Variants in MACF1 observed in about 807,000 individuals in gnomAD.
MACF1 encodes microtubule-actin cross-linking factor 1.
Under a neutral mutation model 854.8 loss-of-function variants are expected in MACF1, and 193 were observed. The ratio of observed to expected loss-of-function variants is 0.23; its 90% confidence interval spans 0.20 to 0.25. The LOEUF is 0.25. Ranked by LOEUF, MACF1 falls within the 10% of genes least tolerant of loss-of-function variation. The probability of loss-of-function intolerance (pLI) is 1.00; values close to 1 mark genes in which losing one functional copy is unlikely to be tolerated. For synonymous variants in MACF1, 3,185 were observed against 3,226.7 expected, an observed-to-expected ratio of 0.99 and a Z score of 0.44; for missense variants, 7,722 against 8,929.1, an observed-to-expected ratio of 0.86 and a Z score of 5.45.
chr1:39,160,576 C>G (rs1206872122), intron 2 of MACF1, among the ~76,000 whole-genome samples: 1 of 152,198 alleles, frequency 6.6e-6, no homozygotes, highest in Admixed American at 6.5e-5. Context: ...AGCAGTTTCT[C>G]TTGTTGACCC....
intron 58 of MACF1, among the ~76,000 whole-genome samples, chr1:39,418,257 CTG>C (rs1381921539): frequency 1.3e-5 from 2 of 152,132 alleles, no homozygotes; most frequent in East Asian, 3.9e-4. Context: ...GTGGGAGACA[CTG>C]TTTCATTTTT....
At chr1:39,257,594 G>A (rs191051088) in intron 5 of MACF1, 14 of 205,508 alleles carry the variant, frequency 6.8e-5, no homozygotes, top group Admixed American at 3.6e-4. Context: ...GAGCCATCGC[G>A]TCTGGCCGGC....
Position 39,452,160 on chromosome 1 carries a change from T to C in MACF1, c.20423T>C (p.Phe6808Ser). The change falls in exon 86 of 101, where the codon TTC becomes TCC. Residue 6808 changes from phenylalanine (F) to serine (S), a missense_variant. Physicochemically the swap from Phe to Ser is radical, Grantham distance 155. Transcript: ENST00000564288. ...VMNLMDAHKV[F>S]QKELGKRTGT... ...TTCTCCTATTTTCTTTTCTAGGTTT[T>C]CCAGAAGGAACTGGGAAAGCGAACA... 1 of 1,588,434 alleles carries C rather than the reference T, an allele frequency of 6.3e-7. No individual in the cohort carries two copies. Among genetic ancestry groups the C allele is most frequent in the Non-Finnish European group, 8.6e-7 (1 of 1,167,486 alleles).
In MACF1 at chr1:39,414,595, G is replaced by A. The variant is rs56278340; in HGVS notation, c.15817-7779G>A. 6.7e-3 allele frequency: 9,914 copies of A among 1,470,638 alleles called. 468 individuals carry two copies. In the African/African-American group the frequency reaches 0.11, roughly 16 times the overall value. The allele number at this position is 1,470,638 out of a possible 1,614,324, so 91.1% of individuals were successfully genotyped here. The stretch of plus-strand genomic sequence containing the variant: ...TCTTTTGTTCTTTTTGGGTCTCCCG[G>A]GCTTATAGTTTGTAGTCTTTCTGTT... On this transcript the variant is annotated intron_variant, in intron 58 of 100. Coordinates refer to ENST00000564288, the MANE Select transcript of MACF1 (RefSeq NM_001394062.1).
chr1:39,346,740 C>G (rs556475960), intron 40 of MACF1, among the ~76,000 whole-genome samples: 1 of 151,978 alleles, frequency 6.6e-6, no homozygotes, highest in Non-Finnish European at 1.5e-5. Flanking sequence ...AGGATGGTCT[C>G]CATCTCCTGA....
intron 2 of MACF1, among the ~76,000 whole-genome samples, chr1:39,149,933 A>G (rs1287386221): frequency 1.3e-5 from 2 of 151,892 alleles, no homozygotes; most frequent in South Asian, 2.1e-4. Flanking sequence ...TTTTTTTTCC[A>G]TATCATTTGT....
rs573965874 is a variant in MACF1, at chr1:39,482,288, A to G, written c.22281+1258A>G. Among the ~76,000 whole-genome samples, 4 of 152,190 alleles carry G rather than the reference A, an allele frequency of 2.6e-5. No homozygotes were observed. In the East Asian group the frequency reaches 7.7e-4, roughly 29 times the overall value. On this transcript the variant is annotated intron_variant, in intron 99 of 100. Transcript: ENST00000564288. The stretch of plus-strand genomic sequence containing the variant: ...TTCTGAAACTGGTGTTCTTCCTCCT[A>G]TGTGGCCAGGAAATTTTGTGCTTGA...
At chr1:39,139,297 G>GA (rs1557477619) in intron 2 of MACF1, among the ~76,000 whole-genome samples, 1 of 134,994 alleles carries the variant, frequency 7.4e-6, no homozygotes, top group Non-Finnish European at 1.6e-5. Context: ...ATCTGCCACT[G>GA]TTTTTTTTTT....
At chr1:39,398,854 GC>G (rs1033934093) in intron 58 of MACF1, among the ~76,000 whole-genome samples, 1 of 152,182 alleles carries the variant, frequency 6.6e-6, no homozygotes, top group Non-Finnish European at 1.5e-5. Flanking sequence ...ATCTCAGGCT[GC>G]TTCCTGTAGG....
At chr1:39,396,985 G>A (rs996204880) in intron 58 of MACF1, among the ~76,000 whole-genome samples, 1 of 152,138 alleles carries the variant, frequency 6.6e-6, no homozygotes, top group African/African-American at 2.4e-5. Flanking sequence ...TACTCTCTAG[G>A]ACGTCATAAA....
chr1:39,246,551 C>A (rs751792350), intron 2 of MACF1, among the ~76,000 whole-genome samples: 1 of 152,052 alleles, frequency 6.6e-6, no homozygotes, highest in South Asian at 2.1e-4. Context: ...TCCTGTTGCC[C>A]GGGCTGGAGT....
intron 2 of MACF1, among the ~76,000 whole-genome samples, chr1:39,121,701 G>A (rs928146387): frequency 6.6e-6 from 1 of 152,154 alleles, no homozygotes; most frequent in Non-Finnish European, 1.5e-5. Flanking sequence ...GCTCGTCTTG[G>A]CCTCCCAAAG....
intron 61 of MACF1, among the ~76,000 whole-genome samples, chr1:39,427,133 T>C (rs2148644993): frequency 6.6e-6 from 1 of 152,352 alleles, no homozygotes; most frequent in South Asian, 2.1e-4. Context: ...GATTTGATTC[T>C]ACTGTTGCTA....
chr1:39,292,861 C>G lies in MACF1; in HGVS notation c.1992+18C>G, dbSNP rs1341434108. 1 of 1,595,732 alleles carries G rather than the reference C, an allele frequency of 6.3e-7. No individual in the cohort carries two copies. ...AATTGAAGGTGAGTTTCTGCCGATT[C>G]TCTTACATTCTGCTCATAGAGTCTG... is the stretch of plus-strand genomic sequence containing the variant. On this transcript the variant is annotated intron_variant, in intron 17 of 100. Coordinates refer to ENST00000564288, the MANE Select transcript of MACF1 (RefSeq NM_001394062.1).
intron 23 of MACF1, chr1:39,304,394 T>G (rs973336633): frequency 4.7e-6 from 5 of 1,075,076 alleles, no homozygotes; most frequent in Non-Finnish European, 7.0e-6. Flanking sequence ...GAGAAGAACT[T>G]TATCTCCAAC....
chr1:39,385,532 C>T lies in MACF1; in HGVS notation c.13947C>T (p.Ser4649=), dbSNP rs750078848. The part of the protein sequence containing the change: ...ILTGPGDVSL[S]TSQVQKELQS... ...CAGGCCCTGGAGATGTCTCTCTGTCCACCAGCCAAGTACAGAAAGAACTCC... is the reference window on the plus strand; with the variant it reads ...CAGGCCCTGGAGATGTCTCTCTGTCTACCAGCCAAGTACAGAAAGAACTCC... Residue 4649 remains serine (S), a synonymous_variant, in exon 57 of 101, where the codon TCC becomes TCT. Transcript: ENST00000564288. The T allele has an allele frequency of 2.5e-6, 4 of 1,614,122 alleles. No homozygotes were observed. The highest frequency in any genetic ancestry group is 3.4e-6 in the Non-Finnish European group (4 of 1,180,016).
Position 39,485,566 on chromosome 1 carries a change from G to C in MACF1, c.22440G>C (p.Gly7480=), listed in dbSNP as rs927418313. ...CTAAAAAGTCTGCCAGTCGCCCTGG[G>C]AGTCGGGCTGGGAGTCGAGCCGGGA... ...ADPKKSASRP[G]SRAGSRAGSR... is the part of the protein sequence containing the mutation. The change falls in exon 101 of 101, where the codon GGG becomes GGC. Residue 7480 remains glycine, a synonymous_variant. Transcript: ENST00000564288. 1 of 1,613,556 alleles carries C rather than the reference G, an allele frequency of 6.2e-7. No homozygotes were observed. Among genetic ancestry groups the C allele is most frequent in the African/African-American group, 1.3e-5 (1 of 74,908 alleles).
chr1:39,451,246 TGGGTCTTCTGTATATGACTGCCTA>T, intron 85 of MACF1, 35 bp downstream of exon 85: 1 of 1,599,876 alleles, frequency 6.3e-7, no homozygotes, highest in Non-Finnish European at 8.5e-7. Flanking sequence ...TGGAGTGCAG[TGGGTCTTCTGTATATGACTGCCTA>T]GGGTCTTCTA....
chr1:39,357,345 C>T (rs769137867), intron 44 of MACF1, 30 bp from the exon 45 acceptor site: 1 of 1,597,994 alleles, frequency 6.3e-7, no homozygotes. Flanking sequence ...TACTGATTGT[C>T]CTTTGTTTGG....
Sources: gnomAD v4.1 joint callset for allele counts (sites outside exome capture counted in the v4.1 genomes callset) on GRCh38, gnomAD v4.1.1 for gene constraint, MANE v1.5 for transcripts, NCBI Gene and HGNC (gene_info 2026-07-23, HGNC 2026-07-21) for gene names.